DMXL1: variants seen among roughly 807,000 people sequenced by gnomAD.
The protein encoded by DMXL1 is dmX-like protein 1.
DMXL1 carries 99 observed loss-of-function variants against 319.2 expected under a neutral mutation model. The ratio of observed to expected loss-of-function variants is 0.31; its 90% CI spans 0.26 to 0.37. The LOEUF is 0.37. DMXL1 is among the 10% of genes least tolerant of loss of function. The pLI, the probability that DMXL1 is intolerant of heterozygous loss-of-function variation, is 1.00. For missense variants in DMXL1, 3,745 were observed against 3,595.6 expected, an observed-to-expected ratio of 1.04 and a Z score of -1.06; for synonymous variants, 1,385 against 1,235.2, an observed-to-expected ratio of 1.12 and a Z score of -2.54.
chr5:119,144,693 TTAA>T (rs571779456), intron 15 of DMXL1, 55 bp downstream of exon 15: 11,347 of 1,101,660 alleles, frequency 0.01, 101 homozygotes, highest in Non-Finnish European at 0.013. Flanking sequence ...TGTTAGGCAG[TTAA>T]TAAAGATGAA....
At chr5:119,226,372 A>C (rs1785562999) in intron 38 of DMXL1, among the ~76,000 whole-genome samples, 1 of 152,304 alleles carries the variant, frequency 6.6e-6, no homozygotes, top group Admixed American at 6.5e-5. Context: ...TAAAAATATT[A>C]GTCTGAAGTT....
At chr5:119,226,819 G>T (rs1785661087) in intron 38 of DMXL1, among the ~76,000 whole-genome samples, 1 of 152,160 alleles carries the variant, frequency 6.6e-6, no homozygotes, top group Non-Finnish European at 1.5e-5. Context: ...CAGGGAAAAT[G>T]CTTTACTTAC....
At chr5:119,192,797 C>G (rs1778927483) in intron 29 of DMXL1, among the ~76,000 whole-genome samples, 1 of 152,018 alleles carries the variant, frequency 6.6e-6, no homozygotes, top group South Asian at 2.1e-4. Flanking sequence ...ACACATAAAT[C>G]TTGGTCTTCA....
chr5:119,126,140 A>G (rs1325917994), intron 9 of DMXL1, among the ~76,000 whole-genome samples: 2 of 152,092 alleles, frequency 1.3e-5, no homozygotes, highest in Admixed American at 6.5e-5. Flanking sequence ...AAAATTAGCC[A>G]GGCGTGGTGG....
chr5:119,234,089 G>C (rs1258880545), intron 39 of DMXL1, among the ~76,000 whole-genome samples: 2 of 152,012 alleles, frequency 1.3e-5, no homozygotes, highest in African/African-American at 4.8e-5. Context: ...TTTATTATGT[G>C]GCCACCTAAG....
intron 1 of DMXL1, among the ~76,000 whole-genome samples, chr5:119,087,707 C>G (rs1249488169): frequency 6.6e-6 from 1 of 151,972 alleles, no homozygotes; most frequent in Non-Finnish European, 1.5e-5. Flanking sequence ...TTTGTTGATT[C>G]TTCTGTTAGA....
chr5:119,116,890 A>G (rs1001614176), intron 7 of DMXL1, among the ~76,000 whole-genome samples: 1 of 152,186 alleles, frequency 6.6e-6, no homozygotes, highest in African/African-American at 2.4e-5. Context: ...TGACACACAC[A>G]TACATATCCT....
intron 25 of DMXL1, among the ~76,000 whole-genome samples, 167 bp downstream of exon 25, chr5:119,172,136 A>T (rs1774703590): frequency 6.6e-6 from 1 of 152,134 alleles, no homozygotes; most frequent in Non-Finnish European, 1.5e-5. Context: ...CTGGTTGTAG[A>T]CTGGCTTATC....
At chr5:119,189,641 G>A (rs2150369792) in intron 28 of DMXL1, 67 bp from the exon 29 acceptor site, 2 of 1,468,534 alleles carry the variant, frequency 1.4e-6, no homozygotes, top group Non-Finnish European at 9.4e-7. Context: ...TAGCTCTTAT[G>A]TAAACACAGG....
chr5:119,107,933 A>C (rs1326295191), intron 4 of DMXL1, among the ~76,000 whole-genome samples: 1 of 152,218 alleles, frequency 6.6e-6, no homozygotes, highest in Non-Finnish European at 1.5e-5. Flanking sequence ...CTCAAATTTT[A>C]TAGATGAGAA....
rs751745462 is a variant in DMXL1 at position 119,143,909 on chromosome 5, A to G, written c.2445A>G (p.Ala815=). ...QSTARPGCII[A]LDPITKLHGR... ...CAGCCAGGCCAGGATGCATTATTGC[A>G]TTAGATCCCATTACCAAACTTGTAA... The change falls in exon 14 of 44, where the codon GCA becomes GCG. Residue 815 remains alanine (A), a synonymous_variant. Transcript: ENST00000539542. 6.3e-7 allele frequency: 1 copy of G among 1,579,832 alleles called. No homozygotes were observed. The highest frequency in any genetic ancestry group is 8.6e-7 in the Non-Finnish European group (1 of 1,163,808).
chr5:119,226,618 A>G (rs1785617254), intron 38 of DMXL1, among the ~76,000 whole-genome samples: 1 of 152,112 alleles, frequency 6.6e-6, no homozygotes, highest in Non-Finnish European at 1.5e-5. Flanking sequence ...TTTAATTATG[A>G]CACAGTCTAC....
In DMXL1 at chr5:119,089,702, C is replaced by T. The variant is rs139950703; in HGVS notation, c.88-8277C>T. ...GTGCAATGGCGCAATCTTGTCTCAC[C>T]GCAACCTCCACCTCCTGGGTTCAAG... On this transcript the variant is annotated intron_variant, in intron 1 of 43. Transcript: ENST00000539542. Among the ~76,000 whole-genome samples the T allele has an allele frequency of 1.8e-3, 270 of 149,754 alleles. 2 individuals are homozygous for T. Among genetic ancestry groups the T allele is most frequent in the African/African-American group, 6.3e-3 (256 of 40,640 alleles).
chr5:119,212,899 A>G (rs1249426775), intron 34 of DMXL1, among the ~76,000 whole-genome samples: 1 of 152,054 alleles, frequency 6.6e-6, no homozygotes, highest in Non-Finnish European at 1.5e-5. Context: ...ATGATCCATC[A>G]TGGAATCAAT....
chr5:119,122,601 G>A (rs1401494194), intron 9 of DMXL1, among the ~76,000 whole-genome samples: 2 of 150,662 alleles, frequency 1.3e-5, no homozygotes, highest in Admixed American at 1.3e-4. Context: ...CGGTTGCCAG[G>A]CAGAGGGTCT....
chr5:119,098,843 CAT>C (rs1756579617), intron 2 of DMXL1, among the ~76,000 whole-genome samples: 1 of 152,136 alleles, frequency 6.6e-6, no homozygotes, highest in Non-Finnish European at 1.5e-5. Context: ...CAAATACACT[CAT>C]ATGATTCCAC....
chr5:119,143,876 A>G lies in DMXL1; in HGVS notation c.2412A>G (p.Gln804=), dbSNP rs1432301644. The G allele has an allele frequency of 5.0e-6, 8 of 1,587,582 alleles. No individual in the cohort carries two copies. The highest frequency in any genetic ancestry group is 1.7e-4 in the Middle Eastern group (1 of 5,994). ...YVGEVFNIVS[Q]QSTARPGCII... is the part of the protein sequence containing the mutation. Reference sequence around the variant, plus strand: ...GTGAAGTCTTTAACATCGTCAGTCAACAATCAACAGCCAGGCCAGGATGCA... The same window carrying G: ...GTGAAGTCTTTAACATCGTCAGTCAGCAATCAACAGCCAGGCCAGGATGCA... Residue 804 remains glutamine, a synonymous_variant, in exon 14 of 44, where the codon CAA becomes CAG. Transcript: ENST00000539542.
rs1281763206 is a variant in DMXL1 at position 119,170,530 on chromosome 5, T to C, written c.5739T>C (p.Asp1913=). 6.2e-7 allele frequency: 1 copy of C among 1,613,830 alleles called. No individual in the cohort carries two copies. Among genetic ancestry groups the C allele is most frequent in the Non-Finnish European group, 8.5e-7 (1 of 1,179,824 alleles). ...DCSPSSPLKL[D]AREDKSSAVD... is the part of the protein sequence containing the mutation. ...CTCCTTCTTCTCCATTAAAGTTGGA[T>C]GCAAGGGAAGATAAGTCTTCTGCTG... Residue 1913 remains aspartate (D), a synonymous_variant, in exon 24 of 44, where the codon GAT becomes GAC. Transcript: ENST00000539542.
chr5:119,131,089 C>G (rs536672529), intron 10 of DMXL1, among the ~76,000 whole-genome samples: 1 of 147,880 alleles, frequency 6.8e-6, no homozygotes, highest in South Asian at 2.1e-4. Context: ...AGCAGAATAT[C>G]TTTTATTATA....
Sources: allele counts gnomAD v4.1 joint callset (sites outside exome capture counted in the v4.1 genomes callset), GRCh38; gene constraint gnomAD v4.1.1; transcripts MANE v1.5; gene names NCBI Gene and HGNC (gene_info 2026-07-23, HGNC 2026-07-21).